Variants in GMDS observed in about 807,000 individuals in gnomAD.
GMDS encodes GDP-mannose 4,6-dehydratase, also known as GDP-mannose 4,6 dehydratase.
In GMDS, 20 loss-of-function variants were observed where a neutral mutation model predicts 49.9. The observed-to-expected ratio is 0.40, with a 90% CI of 0.28 to 0.58. GMDS has a LOEUF of 0.58. GMDS is among the 20% of genes least tolerant of loss of function. GMDS has a pLI of 0.42. For missense variants in GMDS, 362 were observed against 481.4 expected, an observed-to-expected ratio of 0.75 and a Z score of 2.32; for synonymous variants, 177 against 178.6, an observed-to-expected ratio of 0.99 and a Z score of 0.07.
intron 7 of GMDS, among the ~76,000 whole-genome samples, chr6:1,911,963 A>T (rs903722681): frequency 6.6e-6 from 1 of 152,188 alleles, no homozygotes; most frequent in Non-Finnish European, 1.5e-5. Flanking sequence ...AACTCTTCAT[A>T]AAAAATAATA....
chr6:2,191,385 G>T lies in GMDS; in HGVS notation c.102+53936C>A, dbSNP rs954641063. Among the ~76,000 whole-genome samples, 10 of 152,166 alleles carry T rather than the reference G, an allele frequency of 6.6e-5. No individual in the cohort carries two copies. The highest frequency in any genetic ancestry group is 2.2e-4 in the African/African-American group (9 of 41,452). The stretch of plus-strand genomic sequence containing the variant: ...GGACCTAGAGCCCCCAGGCTGCAAG[G>T]GGGCACAGCTGGGACTTCCCGCTTC... On this transcript the variant is annotated intron_variant, in intron 1 of 10. Coordinates refer to ENST00000380815, the MANE Select transcript of GMDS (RefSeq NM_001500.4). The surrounding 1 kb of genome is among the most constrained non-coding windows in gnomAD (Gnocchi z 4.6).
At chr6:2,192,490 G>A (rs551727251) in intron 1 of GMDS, among the ~76,000 whole-genome samples, 1 of 152,336 alleles carries the variant, frequency 6.6e-6, no homozygotes, top group African/African-American at 2.4e-5. Context: ...AGGTGAAGAG[G>A]GGAGAACAGC....
rs547259766 is a variant in GMDS at position 1,652,177 on chromosome 6, G to T, written c.988-27637C>A. ...ATCTGAGGTCAAGAGTTCGAGACCA[G>T]CCTGGCCAACATGGTGAAACCCTGT... On this transcript the variant is annotated intron_variant, in intron 9 of 10. Coordinates refer to ENST00000380815, the MANE Select transcript of GMDS (RefSeq NM_001500.4). Among the ~76,000 whole-genome samples, 5 of 149,504 alleles carry T rather than the reference G, an allele frequency of 3.3e-5. No homozygotes were observed. In the South Asian group the frequency reaches 1.1e-3, roughly 32 times the overall value.
intron 7 of GMDS, among the ~76,000 whole-genome samples, chr6:1,843,109 C>CAAATAAAGTA (rs1757218115): frequency 7.3e-6 from 1 of 137,082 alleles, no homozygotes; most frequent in East Asian, 2.1e-4. Context: ...GACCCTGCAT[C>CAAATAAAGTA]AAATAAAATA....
At chr6:1,759,261 A>G (rs989397582) in intron 7 of GMDS, among the ~76,000 whole-genome samples, 26 of 152,232 alleles carry the variant, frequency 1.7e-4, no homozygotes, top group African/African-American at 6.3e-4. Context: ...AGTCACAGCC[A>G]CAGAATTTAA....
chr6:2,058,153 T>C (rs1581584962), intron 4 of GMDS, among the ~76,000 whole-genome samples: 1 of 151,950 alleles, frequency 6.6e-6, no homozygotes, highest in East Asian at 1.9e-4. Flanking sequence ...GAGGTCAGGG[T>C]CCGAGACCAT....
intron 4 of GMDS, among the ~76,000 whole-genome samples, chr6:2,026,406 G>T (rs1768600080): frequency 6.6e-6 from 1 of 152,134 alleles, no homozygotes; most frequent in South Asian, 2.1e-4. Flanking sequence ...GGAAAATAAG[G>T]ATAATAATAA....
chr6:2,221,170 A>C (rs1281351463), intron 1 of GMDS, among the ~76,000 whole-genome samples: 1 of 152,166 alleles, frequency 6.6e-6, no homozygotes, highest in African/African-American at 2.4e-5. Context: ...CAGAGCAAGA[A>C]GCAACACCCA....
At chr6:2,116,592 G>T (rs76769332) in intron 3 of GMDS, among the ~76,000 whole-genome samples, 3,263 of 152,210 alleles carry the variant, frequency 0.021, 127 homozygotes, top group African/African-American at 0.071. Flanking sequence ...ACTTAAAGTG[G>T]AAAGCCTTTT....
chr6:2,003,212 C>T (rs1321675979), intron 4 of GMDS, among the ~76,000 whole-genome samples: 5 of 152,056 alleles, frequency 3.3e-5, no homozygotes, highest in Non-Finnish European at 7.4e-5. Context: ...GACAATGTTG[C>T]TAATGGATGA....
intron 1 of GMDS, among the ~76,000 whole-genome samples, chr6:2,228,867 G>A (rs1478767023): frequency 6.6e-6 from 1 of 152,186 alleles, no homozygotes; most frequent in Non-Finnish European, 1.5e-5. Context: ...TGAGAAGTGA[G>A]TAAAATAAGG....
intron 9 of GMDS, among the ~76,000 whole-genome samples, chr6:1,688,559 A>G (rs1765063425): frequency 6.6e-6 from 1 of 152,272 alleles, no homozygotes; most frequent in Non-Finnish European, 1.5e-5. Context: ...TCTTCAAAGC[A>G]TATATTTAGC....
intron 9 of GMDS, among the ~76,000 whole-genome samples, chr6:1,715,503 A>G (rs780671980): frequency 6.6e-6 from 1 of 152,212 alleles, no homozygotes; most frequent in Non-Finnish European, 1.5e-5. Context: ...GACCCATCAC[A>G]ATGCAATGGG....
chr6:2,050,882 T>A (rs1005844552), intron 4 of GMDS, among the ~76,000 whole-genome samples: 1 of 152,060 alleles, frequency 6.6e-6, no homozygotes, highest in Admixed American at 6.5e-5. Flanking sequence ...AACACTGCAT[T>A]TTCTCACTCA....
At chr6:1,928,347 G>A (rs942470674) in intron 7 of GMDS, among the ~76,000 whole-genome samples, 2 of 149,112 alleles carry the variant, frequency 1.3e-5, no homozygotes, top group East Asian at 3.9e-4. Flanking sequence ...ACTGGCAACA[G>A]AGCGAGACTC....
intron 1 of GMDS, among the ~76,000 whole-genome samples, chr6:2,140,136 T>G (rs1473251114): frequency 6.6e-6 from 1 of 152,138 alleles, no homozygotes. Flanking sequence ...GCAGATGTGA[T>G]GAAGTTAAGG....
chr6:2,118,691 T>C (rs1430689113), intron 2 of GMDS, among the ~76,000 whole-genome samples: 2 of 152,174 alleles, frequency 1.3e-5, no homozygotes, highest in East Asian at 1.9e-4. Context: ...AGAAAAGCAC[T>C]CATCAACATT....
intron 1 of GMDS, among the ~76,000 whole-genome samples, chr6:2,169,530 C>A (rs764643265): frequency 6.6e-5 from 10 of 150,844 alleles, no homozygotes; most frequent in Non-Finnish European, 1.2e-4. Context: ...ATCGATTGAA[C>A]CAAGGATGCA....
intron 4 of GMDS, among the ~76,000 whole-genome samples, chr6:1,990,671 C>T (rs1160270847): frequency 6.6e-6 from 1 of 152,092 alleles, no homozygotes; most frequent in East Asian, 1.9e-4. Context: ...GCCTCCCAGG[C>T]TAAAGCAATC....
Sources: gnomAD v4.1 joint callset for allele counts (sites outside exome capture counted in the v4.1 genomes callset) on GRCh38, gnomAD v4.1.1 for gene constraint, Gnocchi (gnomAD v3.1) non-coding constraint, MANE v1.5 for transcripts, NCBI Gene and HGNC (gene_info 2026-07-23, HGNC 2026-07-21) for gene names.